The following MALSU1 variants were observed in gnomAD, a reference collection of about 807,000 sequenced individuals.
MALSU1 encodes mitochondrial assembly of ribosomal large subunit protein 1.
Under a neutral mutation model 22.1 loss-of-function variants are expected in MALSU1, and 22 were observed. That is an observed-to-expected ratio of 1.00 (90% CI 0.71 to 1.42). The LOEUF (loss-of-function observed/expected upper bound fraction) is 1.42, where lower values mean the gene tolerates loss of function less well. Among genes scored for constraint, MALSU1 ranks in the 40% most tolerant of loss-of-function variants. MALSU1 has a pLI of 0.00. For synonymous variants in MALSU1, 153 were observed against 118.5 expected, an observed-to-expected ratio of 1.29 and a Z score of -1.89; for missense variants, 379 against 308.3, an observed-to-expected ratio of 1.23 and a Z score of -1.72.
intron 2 of MALSU1, among the ~76,000 whole-genome samples, chr7:23,305,814 G>C (rs771630636): frequency 6.6e-6 from 1 of 152,158 alleles, no homozygotes; most frequent in Non-Finnish European, 1.5e-5. Context: ...TGAATATGAA[G>C]TATCTTTCCA....
chr7:23,303,614 T>C (rs1054378593), intron 2 of MALSU1, among the ~76,000 whole-genome samples: 1 of 150,816 alleles, frequency 6.6e-6, no homozygotes, highest in Non-Finnish European at 1.5e-5. Flanking sequence ...CTGGGCAACA[T>C]GGTGAAACTC....
intron 2 of MALSU1, 73 bp from the exon 3 acceptor site, chr7:23,307,795 A>AAAC (rs1783741669): frequency 6.4e-6 from 6 of 944,244 alleles, no homozygotes; most frequent in African/African-American, 3.4e-5. Context: ...AACAAACAAA[A>AAAC]AAAAAAGACC....
At chr7:23,299,716 C>A in intron 1 of MALSU1, 108 bp downstream of exon 1, 2 of 1,270,738 alleles carry the variant, frequency 1.6e-6, no homozygotes, top group Non-Finnish European at 2.1e-6. Flanking sequence ...CTTGGAGTCA[C>A]AAAACTCCTG....
intron 2 of MALSU1, among the ~76,000 whole-genome samples, chr7:23,305,021 C>T (rs894094688): frequency 1.3e-5 from 2 of 151,994 alleles, no homozygotes; most frequent in African/African-American, 4.8e-5. Context: ...TCATGTTTTC[C>T]CTATTTTCTT....
In MALSU1 at chr7:23,310,251, T is replaced by C. The variant is rs1344828988; in HGVS notation, c.*708T>C. Reference sequence around the variant, plus strand: ...AAAATTTATTCTGCGTCAAGGTATCTGGAAAATGAAGCTGCATTTGGGGCA... The same window carrying C: ...AAAATTTATTCTGCGTCAAGGTATCCGGAAAATGAAGCTGCATTTGGGGCA... On this transcript the variant is annotated 3_prime_UTR_variant, in exon 4 of 4. Transcript: ENST00000466681. 2 of 152,198 alleles carry C rather than the reference T, an allele frequency of 1.3e-5. No individual in the cohort carries two copies. Among genetic ancestry groups the C allele is most frequent in the Non-Finnish European group, 2.9e-5 (2 of 68,032 alleles). 9.4% of individuals were successfully genotyped at this position (152,198 alleles called of 1,614,324 possible).
chr7:23,309,310 G>C (rs1317428340), intron 3 of MALSU1, 46 bp from the exon 4 acceptor site: 1 of 1,505,618 alleles, frequency 6.6e-7, no homozygotes, highest in Non-Finnish European at 9.0e-7. Context: ...AAGAATAAAA[G>C]CAAATGAACT....
At chr7:23,302,015 A>G (rs764960808) in intron 2 of MALSU1, among the ~76,000 whole-genome samples, 3 of 152,114 alleles carry the variant, frequency 2.0e-5, no homozygotes, top group Non-Finnish European at 4.4e-5. Context: ...TATATTAGCT[A>G]TATTTCAAAT....
intron 2 of MALSU1, among the ~76,000 whole-genome samples, chr7:23,305,329 G>A (rs1322762948): frequency 1.3e-5 from 2 of 151,766 alleles, no homozygotes; most frequent in African/African-American, 4.8e-5. Context: ...AGAAATATGA[G>A]ACTCCAACTT....
chr7:23,301,046 C>T, intron 2 of MALSU1, 29 bp downstream of exon 2: 1 of 1,587,576 alleles, frequency 6.3e-7, no homozygotes, highest in African/African-American at 1.3e-5. Context: ...TCTTTTGGAC[C>T]ATTAACTGAG....
intron 2 of MALSU1, among the ~76,000 whole-genome samples, chr7:23,306,487 G>C (rs1164189582): frequency 6.6e-6 from 1 of 151,540 alleles, no homozygotes; most frequent in Non-Finnish European, 1.5e-5. Flanking sequence ...GTGTTGAATA[G>C]AAGTAGCAAA....
intron 2 of MALSU1, 144 bp from the exon 3 acceptor site, chr7:23,307,724 T>G: frequency 1.7e-6 from 1 of 586,684 alleles, no homozygotes; most frequent in Admixed American, 3.2e-5. Flanking sequence ...CCCTAAGTTA[T>G]TCATCACAGG....
chr7:23,309,219 G>A, intron 3 of MALSU1, 137 bp from the exon 4 acceptor site: 1 of 725,860 alleles, frequency 1.4e-6, no homozygotes, highest in Non-Finnish European at 2.2e-6. Flanking sequence ...CTGGGATGGA[G>A]TCCACAGTGA....
intron 2 of MALSU1, among the ~76,000 whole-genome samples, chr7:23,302,436 A>C (rs1164201286): frequency 6.6e-6 from 1 of 152,202 alleles, no homozygotes; most frequent in Non-Finnish European, 1.5e-5. Flanking sequence ...GTAAAATAAA[A>C]AGGTGGGGCC....
In MALSU1 at chr7:23,299,470, C is replaced by T; in HGVS notation, c.118C>T (p.Gln40Ter). 6.2e-7 allele frequency: 1 copy of T among 1,609,614 alleles called. No homozygotes were observed. The highest frequency in any genetic ancestry group is 2.2e-5 in the East Asian group (1 of 44,864). The change falls in exon 1 of 4, where the codon CAG becomes TAG. Residue 40 changes from glutamine (Q) to a stop codon, truncating the protein, a stop_gained. Coordinates refer to ENST00000466681, the MANE Select transcript of MALSU1 (RefSeq NM_138446.2). LOFTEE classifies it high-confidence loss of function. ...GCCCGGGCTTCGGCTGCTGGCCGTG[C>T]AGCGGCTTCCCGTAGGAGCAGCGTT... The part of the protein sequence containing the change: ...AEPGLRLLAV[Q>*]RLPVGAAFCR...
intron 2 of MALSU1, among the ~76,000 whole-genome samples, chr7:23,301,999 T>C (rs1443141623): frequency 6.6e-6 from 1 of 152,002 alleles, no homozygotes; most frequent in East Asian, 1.9e-4. Flanking sequence ...AATTCAGTTC[T>C]GCAGTTATAT....
chr7:23,300,944 C>T lies in MALSU1; in HGVS notation c.362C>T (p.Thr121Ile). The change falls in exon 2 of 4, where the codon ACA (threonine) becomes ATA (isoleucine). Residue 121 changes from threonine to isoleucine, a missense_variant. Physicochemically the swap from Thr to Ile is moderately conservative, Grantham distance 89. Coordinates refer to ENST00000466681, the MANE Select transcript of MALSU1 (RefSeq NM_138446.2). ...CAGGTTCCTCCAGAAATGAGATATA[C>T]AGATTACTTTGTGATTGTTAGTGGA... Reference protein sequence around the residue: ...VIQVPPEMRYTDYFVIVSGTS... With the variant: ...VIQVPPEMRYIDYFVIVSGTS... 3.7e-6 allele frequency: 6 copies of T among 1,613,980 alleles called. No homozygotes were observed. The highest frequency in any genetic ancestry group is 5.1e-6 in the Non-Finnish European group (6 of 1,179,894).
At chr7:23,307,680 G>C in intron 2 of MALSU1, 188 bp from the exon 3 acceptor site, 1 of 525,402 alleles carries the variant, frequency 1.9e-6, no homozygotes, top group Non-Finnish European at 3.4e-6. Flanking sequence ...GGAGAGAGGT[G>C]AAAGTGAATA....
Position 23,300,987 on chromosome 7 carries a change from A to T in MALSU1, c.405A>T (p.Leu135Phe). The change falls in exon 2 of 4, where the codon TTA becomes TTT. Residue 135 changes from leucine (L) to phenylalanine (F), a missense_variant. Leu to Phe is a conservative substitution (Grantham distance 22). Transcript: ENST00000466681. ...TTAGTGGAACTTCTACCCGACACTT[A>T]CATGCCATGGCCTTCTACGTTGTGA... ...VIVSGTSTRH[L>F]HAMAFYVVKM... 1 of 1,614,050 alleles carries T rather than the reference A, an allele frequency of 6.2e-7. No homozygotes were observed. Among genetic ancestry groups the T allele is most frequent in the Non-Finnish European group, 8.5e-7 (1 of 1,179,960 alleles).
chr7:23,304,202 ATTT>A (rs1783694591), intron 2 of MALSU1, among the ~76,000 whole-genome samples: 1 of 151,854 alleles, frequency 6.6e-6, no homozygotes, highest in Non-Finnish European at 1.5e-5. Flanking sequence ...TCTGTTTTTA[ATTT>A]TTTTTCTGTT....
Sources: allele counts gnomAD v4.1 joint callset (sites outside exome capture counted in the v4.1 genomes callset), GRCh38; gene constraint gnomAD v4.1.1; transcripts MANE v1.5; gene names NCBI Gene and HGNC (gene_info 2026-07-23, HGNC 2026-07-21).